The following CNTNAP4 variants were observed in gnomAD, a reference collection of about 807,000 sequenced individuals.
The protein encoded by CNTNAP4 is contactin-associated protein-like 4.
Under a neutral mutation model 148.4 loss-of-function variants are expected in CNTNAP4, and 98 were observed. That is an observed-to-expected ratio of 0.66 (90% confidence interval 0.56 to 0.78). The LOEUF is 0.78. Among genes scored for constraint, CNTNAP4 ranks in the 30% least tolerant of loss-of-function variants. The pLI is 0.00. For missense variants in CNTNAP4, 1,935 were observed against 1,565.6 expected (o/e 1.24, Z -3.98); for synonymous variants, 730 against 565.1 (o/e 1.29, Z -4.14).
At chr16:76,405,637 A>T (rs2144875744) in intron 3 of CNTNAP4, among the ~76,000 whole-genome samples, 1 of 152,156 alleles carries the variant, frequency 6.6e-6, no homozygotes, top group South Asian at 2.1e-4. Context: ...CTTCATCCTC[A>T]TTGTCTTCGT....
intron 14 of CNTNAP4, among the ~76,000 whole-genome samples, chr16:76,495,684 T>C (rs559433700): frequency 1.3e-5 from 2 of 152,262 alleles, no homozygotes; most frequent in Non-Finnish European, 2.9e-5. Context: ...AGAGTTGGCA[T>C]GTATACTGCT....
intron 4 of CNTNAP4, among the ~76,000 whole-genome samples, chr16:76,432,327 T>G (rs547113547): frequency 2.0e-5 from 3 of 152,176 alleles, no homozygotes; most frequent in Non-Finnish European, 4.4e-5. Context: ...TAACTTGTTA[T>G]GAAGGAACAT....
chr16:76,483,517 G>T (rs893976131), intron 12 of CNTNAP4, among the ~76,000 whole-genome samples: 1 of 152,184 alleles, frequency 6.6e-6, no homozygotes, highest in Non-Finnish European at 1.5e-5. Flanking sequence ...ATGGCCAAGA[G>T]CACTGTAGCT....
At chr16:76,521,056 T>G in intron 15 of CNTNAP4, 84 bp from the exon 16 acceptor site, 1 of 1,294,228 alleles carries the variant, frequency 7.7e-7, no homozygotes, top group South Asian at 1.3e-5. Context: ...GTGCTAAAAA[T>G]AGAACATGTA....
At chr16:76,489,966 A>G (rs2082154922) in intron 13 of CNTNAP4, 83 bp downstream of exon 13, 5 of 908,048 alleles carry the variant, frequency 5.5e-6, no homozygotes, top group Admixed American at 6.2e-5. Context: ...TTAAGTCTGC[A>G]AAGTGGTGGT....
At chr16:76,397,943 TAC>T (rs1438805136) in intron 3 of CNTNAP4, among the ~76,000 whole-genome samples, 1,156 of 2,048 alleles carry the variant, frequency 0.56, 309 homozygotes, top group Middle Eastern at 0.67. Context: ...ATAGATTATA[TAC>T]ATATATATAT....
intron 4 of CNTNAP4, among the ~76,000 whole-genome samples, chr16:76,443,789 C>T (rs1386150174): frequency 6.6e-6 from 1 of 152,054 alleles, no homozygotes; most frequent in East Asian, 1.9e-4. Flanking sequence ...CTATGAATCA[C>T]CCTGAAATTT....
At chr16:76,526,594 C>T (rs559114185) in intron 17 of CNTNAP4, among the ~76,000 whole-genome samples, 1 of 152,256 alleles carries the variant, frequency 6.6e-6, no homozygotes, top group African/African-American at 2.4e-5. Flanking sequence ...TGTTTTACCA[C>T]TTATCTATGA....
intron 2 of CNTNAP4, among the ~76,000 whole-genome samples, chr16:76,327,446 G>A (rs12929868): frequency 0.32 from 49,048 of 151,970 alleles, 8,334 homozygotes; most frequent in Non-Finnish European, 0.35. Flanking sequence ...TCTTTATTCA[G>A]TCCATCATTG....
intron 21 of CNTNAP4, among the ~76,000 whole-genome samples, chr16:76,545,724 C>T (rs1288815024): frequency 5.9e-5 from 9 of 152,152 alleles, no homozygotes; most frequent in Non-Finnish European, 1.5e-5. Context: ...TTGTTTATTT[C>T]TTTAATTACT....
intron 10 of CNTNAP4, among the ~76,000 whole-genome samples, chr16:76,473,316 G>A (rs1440591548): frequency 6.6e-6 from 1 of 151,880 alleles, no homozygotes; most frequent in Non-Finnish European, 1.5e-5. Context: ...TGTTTGTAGT[G>A]GTCATTCATA....
Position 76,452,697 on chromosome 16 carries a change from C to G in CNTNAP4, c.1261C>G (p.Leu421Val). The change falls in exon 8 of 24, where the codon CTC (leucine) becomes GTC (valine). Residue 421 changes from leucine to valine, a missense_variant. By Grantham distance (32) the Leu-to-Val change is conservative. Transcript: ENST00000611870. ...ELQLISGGIL[L>V]FLSDGKLKSN... is the part of the protein sequence containing the mutation. ...TCAGCTGATTTCAGGGGGTATCCTC[C>G]TCTTTCTGAGTGATGGAAAACTTAA... is the stretch of plus-strand genomic sequence containing the variant. 1 of 1,613,296 alleles carries G rather than the reference C, an allele frequency of 6.2e-7. No individual in the cohort carries two copies. The highest frequency in any genetic ancestry group is 8.5e-7 in the Non-Finnish European group (1 of 1,179,564).
chr16:76,441,288 A>C (rs891789676), intron 4 of CNTNAP4, among the ~76,000 whole-genome samples: 2 of 152,268 alleles, frequency 1.3e-5, no homozygotes, highest in African/African-American at 4.8e-5. Context: ...CCATAAATAC[A>C]TGCTGCAGGA....
At chr16:76,373,287 A>T (rs142173020) in intron 3 of CNTNAP4, among the ~76,000 whole-genome samples, 105 of 149,884 alleles carry the variant, frequency 7.0e-4, no homozygotes, top group African/African-American at 2.3e-3. Flanking sequence ...ATTCCACATA[A>T]ATATGTGAAA....
chr16:76,368,659 C>T (rs962357233), intron 3 of CNTNAP4, among the ~76,000 whole-genome samples: 1 of 151,972 alleles, frequency 6.6e-6, no homozygotes, highest in South Asian at 2.1e-4. Flanking sequence ...ACATCACACA[C>T]CGGGGCCTGT....
At chr16:76,416,289 CT>C (rs1174866185) in intron 3 of CNTNAP4, among the ~76,000 whole-genome samples, 4 of 151,040 alleles carry the variant, frequency 2.6e-5, no homozygotes. Flanking sequence ...TTTAAAATTT[CT>C]TTCCTTCTGC....
At chr16:76,533,002 A>G (rs748926048) in intron 17 of CNTNAP4, among the ~76,000 whole-genome samples, 1 of 152,172 alleles carries the variant, frequency 6.6e-6, no homozygotes. Context: ...ATCCAAAGAA[A>G]AGAAAATCAG....
intron 3 of CNTNAP4, among the ~76,000 whole-genome samples, chr16:76,400,617 T>G (rs2078374539): frequency 6.6e-6 from 1 of 152,190 alleles, no homozygotes; most frequent in South Asian, 2.1e-4. Flanking sequence ...CTTTGCCCAT[T>G]GTATGTCCAG....
At chr16:76,301,295 T>A (rs1390384956) in intron 1 of CNTNAP4, among the ~76,000 whole-genome samples, 1 of 152,156 alleles carries the variant, frequency 6.6e-6, no homozygotes, top group Admixed American at 6.6e-5. Flanking sequence ...CTCCAAGGGT[T>A]ACTTTCAACT....
Sources: allele counts gnomAD v4.1 joint callset (sites outside exome capture counted in the v4.1 genomes callset), GRCh38; gene constraint gnomAD v4.1.1; transcripts MANE v1.5; gene names NCBI Gene and HGNC (gene_info 2026-07-23, HGNC 2026-07-21).